The following TFB1M variants were observed in gnomAD, a reference collection of about 807,000 sequenced individuals.
The protein encoded by TFB1M is dimethyladenosine transferase 1, mitochondrial.
Under a neutral mutation model 31.1 loss-of-function variants are expected in TFB1M, and 27 were observed. The ratio of observed to expected loss-of-function variants is 0.87; its 90% CI spans 0.64 to 1.20. The LOEUF is 1.20. TFB1M is among the 50% of genes most tolerant of loss of function. The probability of loss-of-function intolerance (pLI) is 0.00; values close to 1 mark genes in which losing one functional copy is unlikely to be tolerated. For synonymous variants in TFB1M, 166 were observed against 151.8 expected (o/e 1.09, Z -0.69); for missense variants, 394 against 418.7 (o/e 0.94, Z 0.51).
Position 155,257,828 on chromosome 6 carries a change from G to A in TFB1M, c.*8C>T, listed in dbSNP as rs750175636. 6.2e-7 allele frequency: 1 copy of A among 1,614,034 alleles called. No individual in the cohort carries two copies. Among genetic ancestry groups the A allele is most frequent in the Non-Finnish European group, 8.5e-7 (1 of 1,179,934 alleles). On this transcript the variant is annotated 3_prime_UTR_variant, in exon 7 of 7. Coordinates refer to ENST00000367166, the MANE Select transcript of TFB1M (RefSeq NM_016020.4). ...ACATCTGGTAGGCTGCTCGCCCCCA[G>A]GCAGCAGCTAGAGTCTGTAATTCTC...
At chr6:155,247,856 A>T in the TFB1M span, 2 of 1,042,092 alleles carry the variant, frequency 1.9e-6, no homozygotes, top group African/African-American at 1.6e-5. Context: ...TGGGTGCCTG[A>T]CCCACTGATG....
chr6:155,244,936 C>T, the TFB1M span: 4 of 1,015,406 alleles, frequency 3.9e-6, no homozygotes, highest in Non-Finnish European at 5.4e-6. Flanking sequence ...TTTCCTCTGT[C>T]AGGTGGTAAA....
chr6:155,283,019 G>T (rs951413806), intron 5 of TFB1M, among the ~76,000 whole-genome samples: 11 of 152,132 alleles, frequency 7.2e-5, no homozygotes, highest in Admixed American at 5.9e-4. Context: ...GAGTCACTGT[G>T]CCCGGCCCAA....
intron 2 of TFB1M, among the ~76,000 whole-genome samples, chr6:155,308,436 T>C (rs1329549525): frequency 6.6e-6 from 1 of 152,306 alleles, no homozygotes; most frequent in Admixed American, 6.5e-5. Context: ...AACTAAGATA[T>C]TATTCAGTGC....
the TFB1M span, among the ~76,000 whole-genome samples, chr6:155,248,364 A>T: frequency 2.0e-5 from 3 of 152,154 alleles, no homozygotes; most frequent in African/African-American, 7.2e-5. Flanking sequence ...GCGTCTGGGC[A>T]CTCCTTTAGA....
chr6:155,251,903 T>C, downstream of TFB1M: 1 of 1,504,658 alleles, frequency 6.6e-7, no homozygotes, highest in Non-Finnish European at 9.2e-7. Flanking sequence ...TTGGAAGAGT[T>C]TGCATAAAAT....
intron 5 of TFB1M, among the ~76,000 whole-genome samples, chr6:155,278,985 G>C (rs1044478981): frequency 6.6e-6 from 1 of 152,012 alleles, no homozygotes; most frequent in Non-Finnish European, 1.5e-5. Flanking sequence ...CACTTTTTTG[G>C]TTATCTTAAC....
chr6:155,285,421 A>G (rs1021671676), intron 4 of TFB1M, 144 bp from the exon 5 acceptor site: 13 of 859,554 alleles, frequency 1.5e-5, no homozygotes, highest in Non-Finnish European at 2.4e-5. Context: ...CACATGACAC[A>G]CAGCAAACAT....
the TFB1M span, among the ~76,000 whole-genome samples, chr6:155,237,813 C>A: frequency 1.3e-5 from 2 of 152,202 alleles, no homozygotes; most frequent in African/African-American, 4.8e-5. Flanking sequence ...GGACCCTGGG[C>A]TTGGCCCAGG....
chr6:155,313,601 A>G (rs920120197), intron 1 of TFB1M, among the ~76,000 whole-genome samples: 12 of 152,202 alleles, frequency 7.9e-5, no homozygotes, highest in African/African-American at 2.7e-4. Context: ...AAACTCATCA[A>G]ATTGAGCACT....
intron 2 of TFB1M, among the ~76,000 whole-genome samples, chr6:155,309,355 T>C (rs549084875): frequency 6.6e-6 from 1 of 152,310 alleles, no homozygotes; most frequent in African/African-American, 2.4e-5. Flanking sequence ...TCTACCCTCA[T>C]GGTACTTACA....
In TFB1M at chr6:155,257,575, T is replaced by C. The variant is rs977761055; in HGVS notation, c.*261A>G. On this transcript the variant is annotated 3_prime_UTR_variant, in exon 7 of 7. Transcript: ENST00000367166. ...GGCAAAATGTGCAGATACTTCATTT[T>C]TGTAAGATAGATTGTAATAGATGCT... The C allele has an allele frequency of 8.2e-6, 3 of 365,422 alleles. No individual in the cohort carries two copies. Among genetic ancestry groups the C allele is most frequent in the African/African-American group, 4.8e-5 (1 of 20,894 alleles). 22.6% of individuals were successfully genotyped at this position (365,422 alleles called of 1,614,324 possible). A position where few individuals can be genotyped will look rare whatever the true frequency, so the allele number is the denominator to read the frequency against.
chr6:155,270,531 T>C (rs1315469406), intron 5 of TFB1M, among the ~76,000 whole-genome samples: 2 of 152,220 alleles, frequency 1.3e-5, no homozygotes, highest in Admixed American at 6.5e-5. Context: ...GAAGTTTTCC[T>C]TCTAAAGCAG....
Position 155,303,704 on chromosome 6 carries a change from C to T in TFB1M, c.286-5119G>A, listed in dbSNP as rs375471103. ...CTAAAAATAGCTCTTTCTGCCTGGA[C>T]GCTGAAATTACCTCATATGTCTCTT... On this transcript the variant is annotated intron_variant, in intron 2 of 6. Transcript: ENST00000367166. 7.9e-5 allele frequency among the ~76,000 whole-genome samples: 12 copies of T among 152,272 alleles called. No homozygotes were observed. In the East Asian group the frequency reaches 1.2e-3, roughly 15 times the overall value.
chr6:155,280,259 T>C (rs758524347), intron 5 of TFB1M, among the ~76,000 whole-genome samples: 6 of 152,110 alleles, frequency 3.9e-5, no homozygotes, highest in Non-Finnish European at 4.4e-5. Flanking sequence ...CTCCTTCCAC[T>C]GGGCCAGGGC....
At chr6:155,241,269 A>C in the TFB1M span, among the ~76,000 whole-genome samples, 1 of 152,196 alleles carries the variant, frequency 6.6e-6, no homozygotes, top group African/African-American at 2.4e-5. Context: ...ATAAGCCCCC[A>C]GTCAGTGGTT....
In TFB1M at chr6:155,272,061, A is replaced by G. The variant is rs1053622624; in HGVS notation, c.667-11661T>C. Among the ~76,000 whole-genome samples, 3 of 152,162 alleles carry G rather than the reference A, an allele frequency of 2.0e-5. No individual in the cohort carries two copies. In the East Asian group the frequency reaches 5.8e-4, roughly 29 times the overall value. On this transcript the variant is annotated intron_variant, in intron 5 of 6. Coordinates refer to ENST00000367166, the MANE Select transcript of TFB1M (RefSeq NM_016020.4). ...TTATTTGCTTTTTTCAAGTTAACTT[A>G]TTGGAGCTTTATAAACATATCCAGA...
intron 3 of TFB1M, among the ~76,000 whole-genome samples, chr6:155,298,199 C>T (rs541627643): frequency 2.0e-5 from 3 of 152,152 alleles, no homozygotes; most frequent in Non-Finnish European, 4.4e-5. Flanking sequence ...ATAGTTTACC[C>T]TATCCTTATA....
At chr6:155,250,307 T>C in the TFB1M span, among the ~76,000 whole-genome samples, 2 of 151,572 alleles carry the variant, frequency 1.3e-5, no homozygotes, top group African/African-American at 4.8e-5. Context: ...TTTTTTTTTT[T>C]TTTAACATCA....
Sources: allele counts gnomAD v4.1 joint callset (sites outside exome capture counted in the v4.1 genomes callset), GRCh38; gene constraint gnomAD v4.1.1; transcripts MANE v1.5; gene names NCBI Gene and HGNC (gene_info 2026-07-23, HGNC 2026-07-21).